MTM1: variants seen among roughly 807,000 people sequenced by gnomAD.
MTM1 encodes myotubularin 1, also known as myotubularin.
MTM1 carries 9 observed loss-of-function variants against 52.1 expected under a neutral mutation model. The observed-to-expected ratio is 0.17, with a 90% CI of 0.10 to 0.30. MTM1 has a LOEUF of 0.30. MTM1 is among the 10% of genes least tolerant of loss of function. The pLI, the probability that MTM1 is intolerant of heterozygous loss-of-function variation, is 1.00. For synonymous variants in MTM1, 136 were observed against 163.8 expected (o/e 0.83, Z 1.29); for missense variants, 277 against 470.7 (o/e 0.59, Z 3.81).
upstream of MTM1, among the ~76,000 whole-genome samples, chrX:150,566,384 C>A (rs374172430): frequency 9.0e-6 from 1 of 111,557 alleles, no homozygotes; most frequent in South Asian, 3.8e-4. Flanking sequence ...GTGATCCGCC[C>A]GCCTCGGCCT....
intron 9 of MTM1, among the ~76,000 whole-genome samples, chrX:150,648,118 C>G (rs1557414069): frequency 6.3e-5 from 7 of 111,177 alleles, no homozygotes; most frequent in Non-Finnish European, 1.3e-4. Flanking sequence ...TTTTTTAAAA[C>G]AACACTGTGA....
At chrX:150,596,681 C>A in intron 3 of MTM1, 111 bp downstream of exon 3, 1 of 593,035 alleles carries the variant, frequency 1.7e-6, no homozygotes, top group South Asian at 2.4e-5. Context: ...AATAGGCTAC[C>A]TTTGTTTAGA....
chrX:150,608,605 C>T (rs184864261), intron 4 of MTM1, among the ~76,000 whole-genome samples: 1 of 111,836 alleles, frequency 8.9e-6, no homozygotes, highest in South Asian at 3.8e-4. Context: ...ATGAGTCAAT[C>T]AAGCTACTTA....
chrX:150,605,071 G>A (rs952855435), intron 4 of MTM1, among the ~76,000 whole-genome samples: 4 of 111,363 alleles, frequency 3.6e-5, no homozygotes, highest in African/African-American at 9.8e-5. Context: ...CTTAAAAATC[G>A]TTCCGAAGTA....
At position 150,645,884 on chromosome X, in the gene MTM1, A is replaced by C. The variant is rs368954714; in HGVS notation, c.867+13A>C. On this transcript the variant is annotated intron_variant, in intron 9 of 14. Coordinates refer to ENST00000370396, the MANE Select transcript of MTM1 (RefSeq NM_000252.3). Reference sequence around the variant, plus strand: ...AGTGGCCAACAAGGTGAGTGGACTTAATGATGTGCTGGACACTTAGCTTAC... The same window carrying C: ...AGTGGCCAACAAGGTGAGTGGACTTCATGATGTGCTGGACACTTAGCTTAC... The C allele has an allele frequency of 9.3e-5, 111 of 1,197,278 alleles. No individual in the cohort carries two copies. In the African/African-American group the frequency reaches 1.7e-3, roughly 19 times the overall value.
In MTM1 at chrX:150,616,447, C is replaced by G. The variant is rs782403237; in HGVS notation, c.342+1748C>G. The stretch of plus-strand genomic sequence containing the variant: ...TCATAGGTCAACTTTCGCCTGCAGT[C>G]AATAACCATGATACAACCGCATTTC... On this transcript the variant is annotated intron_variant, in intron 5 of 14. Transcript: ENST00000370396. 5.4e-5 allele frequency among the ~76,000 whole-genome samples: 6 copies of G among 111,845 alleles called. No individual in the cohort carries two copies. The South Asian group carries it at 1.9e-3, about 35-fold the overall frequency.
chrX:150,591,032 T>G (rs1404977329), intron 1 of MTM1: 3 of 748,996 alleles, frequency 4.0e-6, no homozygotes, highest in Non-Finnish European at 4.7e-6. Context: ...TGCTTGGACA[T>G]GAACTTAAGG....
chrX:150,598,046 C>T (rs1338464916), intron 3 of MTM1, among the ~76,000 whole-genome samples: 2 of 111,649 alleles, frequency 1.8e-5, no homozygotes, highest in Non-Finnish European at 3.8e-5. Context: ...ATGATTGTGC[C>T]ACTGAACTCC....
intron 6 of MTM1, among the ~76,000 whole-genome samples, chrX:150,622,694 A>C (rs1557413325): frequency 8.9e-6 from 1 of 112,099 alleles, no homozygotes; most frequent in Non-Finnish European, 1.9e-5. Flanking sequence ...TAGGGCCTTG[A>C]AGAATGGATT....
intron 14 of MTM1, among the ~76,000 whole-genome samples, chrX:150,668,140 G>A (rs1314501257): frequency 3.5e-5 from 4 of 112,697 alleles, no homozygotes; most frequent in Non-Finnish European, 7.5e-5. Flanking sequence ...GGAACACCTG[G>A]AGCCACTAGA....
At chrX:150,567,820 C>T (rs1395942642), upstream of MTM1, among the ~76,000 whole-genome samples, 1 of 112,525 alleles carries the variant, frequency 8.9e-6, no homozygotes, top group Non-Finnish European at 1.9e-5. Context: ...TCCCAAAGTG[C>T]TAGGATTACA....
At chrX:150,574,203 C>T in intron 1 of MTM1, among the ~76,000 whole-genome samples, 1 of 111,545 alleles carries the variant, frequency 9.0e-6, no homozygotes. Context: ...CTCTGCTGGA[C>T]ATGTCCTTCC....
intron 4 of MTM1, among the ~76,000 whole-genome samples, chrX:150,611,229 C>A (rs1557412976): frequency 8.9e-6 from 1 of 112,104 alleles, no homozygotes; most frequent in Non-Finnish European, 1.9e-5. Context: ...ACAATTACAT[C>A]TTCCAAATAC....
At chrX:150,628,465 C>G (rs1260785428) in intron 6 of MTM1, among the ~76,000 whole-genome samples, 2 of 111,310 alleles carry the variant, frequency 1.8e-5, no homozygotes, top group African/African-American at 3.3e-5. Flanking sequence ...TGTCCTTGCT[C>G]TGAATTATGC....
At chrX:150,595,705 C>T (rs781961542) in intron 2 of MTM1, among the ~76,000 whole-genome samples, 1 of 112,547 alleles carries the variant, frequency 8.9e-6, no homozygotes, top group East Asian at 2.8e-4. Flanking sequence ...AGCTGAATAA[C>T]CTGAAAGACA....
intron 1 of MTM1, among the ~76,000 whole-genome samples, chrX:150,582,534 A>G (rs1393629941): frequency 1.8e-5 from 2 of 111,540 alleles, no homozygotes; most frequent in Non-Finnish European, 1.9e-5. Context: ...GTAGTTAGTT[A>G]AGATGAGGTC....
At chrX:150,611,064 G>A (rs924881164) in intron 4 of MTM1, among the ~76,000 whole-genome samples, 2 of 111,447 alleles carry the variant, frequency 1.8e-5, no homozygotes, top group African/African-American at 3.3e-5. Context: ...GCTTATATAC[G>A]TACACTGTTA....
chrX:150,600,562 C>T (rs2039051564), intron 4 of MTM1, among the ~76,000 whole-genome samples: 1 of 111,823 alleles, frequency 8.9e-6, no homozygotes, highest in Non-Finnish European at 1.9e-5. Flanking sequence ...AGTTCAGACA[C>T]AGATAACCAG....
intron 6 of MTM1, among the ~76,000 whole-genome samples, chrX:150,627,783 G>A (rs1557413454): frequency 1.8e-5 from 2 of 111,736 alleles, no homozygotes; most frequent in East Asian, 5.6e-4. Flanking sequence ...GCATATGACT[G>A]AAGGCAATTT....
Sources: gnomAD v4.1 joint callset for allele counts (sites outside exome capture counted in the v4.1 genomes callset) on GRCh38, gnomAD v4.1.1 for gene constraint, MANE v1.5 for transcripts, NCBI Gene and HGNC (gene_info 2026-07-23, HGNC 2026-07-21) for gene names.